UPF2: variants seen among roughly 807,000 people sequenced by gnomAD.
The protein encoded by UPF2 is regulator of nonsense transcripts 2.
In UPF2, 17 loss-of-function variants were observed where a neutral mutation model predicts 141.4. The observed-to-expected ratio is 0.12, with a 90% confidence interval of 0.08 to 0.18. The LOEUF (loss-of-function observed/expected upper bound fraction) is 0.18, where lower values mean the gene tolerates loss of function less well. Ranked by LOEUF, UPF2 falls within the 10% of genes least tolerant of loss-of-function variation. The pLI, the probability that UPF2 is intolerant of heterozygous loss-of-function variation, is 1.00. For synonymous variants in UPF2, 540 were observed against 498.0 expected (o/e 1.08, Z -1.12); for missense variants, 1,152 against 1,515.9 (o/e 0.76, Z 3.99).
intron 16 of UPF2, among the ~76,000 whole-genome samples, chr10:11,944,965 A>G (rs896982638): frequency 2.0e-5 from 3 of 152,212 alleles, no homozygotes; most frequent in African/African-American, 7.2e-5. Context: ...TATTCAACCT[A>G]TCTGTGCCTT....
chr10:11,998,803 G>A lies in UPF2; in HGVS notation c.1759-1046C>T, dbSNP rs980344394. On this transcript the variant is annotated intron_variant, in intron 7 of 21. Transcript: ENST00000357604. The surrounding 1 kb of genome is among the most constrained non-coding windows in gnomAD (Gnocchi z 4.5). ...CGGGAGGCGGAGCTTGCAGTGAGCC[G>A]AGAACATGCCACTGCACTCCAGCCT... 4.6e-5 allele frequency among the ~76,000 whole-genome samples: 7 copies of A among 151,800 alleles called. No homozygotes were observed. The highest frequency in any genetic ancestry group is 1.9e-4 in the East Asian group (1 of 5,174).
rs370721636 is a variant in UPF2, at chr10:11,956,083, GT to G, written c.2574+236del. ...AATTGCTTGAACCCAGGAGGAAGAG[GT>G]TGCAGCGAGCGGAGATCGTGCCAGT... On this transcript the variant is annotated intron_variant, in intron 13 of 21. Coordinates refer to ENST00000357604, the MANE Select transcript of UPF2 (RefSeq NM_015542.4). This position sits in a 1 kb window ranked among gnomAD's most constrained non-coding sequence, Gnocchi z 4.2. Among the ~76,000 whole-genome samples the G allele has an allele frequency of 5.7e-4, 87 of 151,606 alleles. No homozygotes were observed. In the East Asian group the frequency reaches 9.7e-3, roughly 17 times the overall value.
intron 4 of UPF2, among the ~76,000 whole-genome samples, chr10:12,011,598 A>G (rs1475742502): frequency 6.6e-6 from 1 of 152,028 alleles, no homozygotes; most frequent in Non-Finnish European, 1.5e-5. Context: ...AAAAATAAAA[A>G]CAATGACAGA....
chr10:12,024,408 G>A (rs930512602), intron 3 of UPF2, among the ~76,000 whole-genome samples: 6 of 152,086 alleles, frequency 3.9e-5, no homozygotes, highest in African/African-American at 1.2e-4. Context: ...TCAGGAGTTC[G>A]AGACGAGCCT....
In UPF2 at chr10:12,014,067, A is replaced by G. The variant is rs889882978; in HGVS notation, c.1263T>C (p.Asp421=). Residue 421 remains aspartate (D), a synonymous_variant, in exon 4 of 22, where the codon GAT becomes GAC. Coordinates refer to ENST00000357604, the MANE Select transcript of UPF2 (RefSeq NM_015542.4). This position sits in a 1 kb window ranked among gnomAD's most constrained non-coding sequence, Gnocchi z 5.0. ...ANSQSLADLL[D]ENMPDLPQDK... The stretch of plus-strand genomic sequence containing the variant: ...CTTGAGGAAGATCTGGCATATTTTC[A>G]TCCAAAAGGTCTGCTAAGGATTGAG... The G allele has an allele frequency of 1.4e-5, 22 of 1,590,354 alleles. No individual in the cohort carries two copies. Among genetic ancestry groups the G allele is most frequent in the Non-Finnish European group, 1.9e-5 (22 of 1,167,840 alleles).
At chr10:11,963,331 C>T (rs908398516) in intron 11 of UPF2, among the ~76,000 whole-genome samples, 48 of 151,678 alleles carry the variant, frequency 3.2e-4, no homozygotes, top group African/African-American at 1.2e-3. Flanking sequence ...TGTGAGTATT[C>T]ATTCATTCAT....
intron 2 of UPF2, among the ~76,000 whole-genome samples, chr10:12,032,483 A>C (rs1393761420): frequency 1.3e-5 from 2 of 152,070 alleles, no homozygotes; most frequent in Non-Finnish European, 2.9e-5. Context: ...CTAGTTCACT[A>C]TACTATTCTA....
intron 4 of UPF2, among the ~76,000 whole-genome samples, chr10:12,007,599 G>A (rs891420379): frequency 4.6e-4 from 70 of 152,012 alleles, no homozygotes; most frequent in East Asian, 1.9e-4. Context: ...GGGAGGCTGC[G>A]GCAGGTGGAT....
chr10:11,985,397 G>C (rs1390862516), intron 8 of UPF2, among the ~76,000 whole-genome samples: 1 of 152,108 alleles, frequency 6.6e-6, no homozygotes, highest in African/African-American at 2.4e-5. Context: ...CAGCACTTTG[G>C]GAGGCAGAGG....
In UPF2 at chr10:11,952,339, A is replaced by G. The variant is rs906617857; in HGVS notation, c.2851-90T>C. On this transcript the variant is annotated intron_variant, in intron 14 of 21. Coordinates refer to ENST00000357604, the MANE Select transcript of UPF2 (RefSeq NM_015542.4). ...AACTATATTGTGCTGTTTCCCAGTT[A>G]TAACTACTAAGCTGAAAGGTTATAA... 1.9e-5 allele frequency: 22 copies of G among 1,180,026 alleles called. No homozygotes were observed. The African/African-American group carries it at 3.3e-4, about 17-fold the overall frequency. 73.1% of individuals were successfully genotyped at this position (1,180,026 alleles called of 1,614,324 possible).
intron 4 of UPF2, among the ~76,000 whole-genome samples, chr10:12,007,992 C>G (rs962826064): frequency 1.3e-5 from 2 of 151,388 alleles, no homozygotes; most frequent in Non-Finnish European, 2.9e-5. Flanking sequence ...AAGCAATTGT[C>G]TCACTTCAGT....
At position 11,998,902 on chromosome 10, in the gene UPF2, G is replaced by A. The variant is rs943323305; in HGVS notation, c.1758+1004C>T. ...TAGCTGGGCGTGGTGGTGCACGCCTGTAGTCCCAGCTACTCAGGAGGCTGA... is the reference window on the plus strand; with the variant it reads ...TAGCTGGGCGTGGTGGTGCACGCCTATAGTCCCAGCTACTCAGGAGGCTGA... On this transcript the variant is annotated intron_variant, in intron 7 of 21. Coordinates refer to ENST00000357604, the MANE Select transcript of UPF2 (RefSeq NM_015542.4). The surrounding 1 kb of genome is among the most constrained non-coding windows in gnomAD (Gnocchi z 4.5). Among the ~76,000 whole-genome samples, 1 of 151,798 alleles carries A rather than the reference G, an allele frequency of 6.6e-6. No individual in the cohort carries two copies. Among genetic ancestry groups the A allele is most frequent in the Non-Finnish European group, 1.5e-5 (1 of 67,980 alleles).
chr10:11,965,610 C>T (rs939275405), intron 10 of UPF2, among the ~76,000 whole-genome samples: 12 of 152,132 alleles, frequency 7.9e-5, no homozygotes, highest in African/African-American at 2.7e-4. Flanking sequence ...CAGGTGCCTG[C>T]CACCACTCCC....
At chr10:12,005,242 T>C (rs772380857) in intron 4 of UPF2, among the ~76,000 whole-genome samples, 1 of 152,134 alleles carries the variant, frequency 6.6e-6, no homozygotes, top group Non-Finnish European at 1.5e-5. Context: ...CCTTGGCACA[T>C]GGTAGATTGC....
In UPF2 at chr10:11,955,298, T is replaced by C. The variant is rs538298461; in HGVS notation, c.2784A>G (p.Thr928=). Residue 928 remains threonine, a synonymous_variant, in exon 14 of 22, where the codon ACA becomes ACG. Coordinates refer to ENST00000357604, the MANE Select transcript of UPF2 (RefSeq NM_015542.4). ...RIRLVCTILD[T]CGQYFDRGSS... Reference sequence around the variant, plus strand: ...AACCTCTGTCAAAGTACTGGCCACATGTGTCCAGAATAGTGCATACGAGTC... The same window carrying C: ...AACCTCTGTCAAAGTACTGGCCACACGTGTCCAGAATAGTGCATACGAGTC... The C allele has an allele frequency of 1.3e-5, 21 of 1,612,522 alleles. No homozygotes were observed. In the South Asian group the frequency reaches 2.3e-4, roughly 18 times the overall value.
intron 19 of UPF2, among the ~76,000 whole-genome samples, chr10:11,932,757 G>A (rs1176224745): frequency 2.0e-5 from 3 of 152,016 alleles, no homozygotes; most frequent in Non-Finnish European, 2.9e-5. Flanking sequence ...AGCAATGAAG[G>A]TGATTTAGCT....
chr10:11,933,130 T>A (rs1010815341), intron 19 of UPF2, among the ~76,000 whole-genome samples: 1 of 152,180 alleles, frequency 6.6e-6, no homozygotes, highest in Non-Finnish European at 1.5e-5. Flanking sequence ...TTTCCCCTAA[T>A]GACCACAACA....
At position 12,001,815 on chromosome 10, in the gene UPF2, T is replaced by C. The variant is rs1833957589; in HGVS notation, c.1515A>G (p.Glu505=). The C allele has an allele frequency of 1.3e-6, 2 of 1,591,626 alleles. No homozygotes were observed. Among genetic ancestry groups the C allele is most frequent in the Non-Finnish European group, 1.7e-6 (2 of 1,172,220 alleles). ...SNKDDTKEAK[E]SKENKEVSSP... is the part of the protein sequence containing the mutation. ...TTGATACCTCCTTATTCTCCTTAGA[T>C]TCTTTTGCCTCTGTTGAAAAACAAA... The change falls in exon 6 of 22, where the codon GAA becomes GAG. Residue 505 remains glutamate (E), a synonymous_variant. Transcript: ENST00000357604.
chr10:11,995,697 C>T (rs1226907491), intron 8 of UPF2, among the ~76,000 whole-genome samples: 2 of 152,030 alleles, frequency 1.3e-5, no homozygotes, highest in East Asian at 1.9e-4. Context: ...GGAGGAGAAT[C>T]GCTTGAACCC....
Sources: allele counts gnomAD v4.1 joint callset (sites outside exome capture counted in the v4.1 genomes callset), GRCh38; gene constraint gnomAD v4.1.1; non-coding constraint Gnocchi (gnomAD v3.1); transcripts MANE v1.5; gene names NCBI Gene and HGNC (gene_info 2026-07-23, HGNC 2026-07-21).